The following TNFRSF21 variants were observed in gnomAD, a reference collection of about 807,000 sequenced individuals.
TNFRSF21 encodes the protein tumor necrosis factor receptor superfamily member 21.
In TNFRSF21, 19 loss-of-function variants were observed where a neutral mutation model predicts 45.6. The ratio of observed to expected loss-of-function variants is 0.42; its 90% CI spans 0.29 to 0.61. The LOEUF is 0.61. TNFRSF21 is among the 20% of genes least tolerant of loss of function. TNFRSF21 has a pLI of 0.23. For missense variants in TNFRSF21, 737 were observed against 851.5 expected, an observed-to-expected ratio of 0.87 and a Z score of 1.67; for synonymous variants, 314 against 335.5, an observed-to-expected ratio of 0.94 and a Z score of 0.70.
intron 4 of TNFRSF21, among the ~76,000 whole-genome samples, chr6:47,237,218 A>G (rs574274162): frequency 6.6e-6 from 1 of 152,310 alleles, no homozygotes; most frequent in South Asian, 2.1e-4. Context: ...AACTATAAGT[A>G]TCTCTCACTT....
At chr6:47,280,081 G>A (rs938577341) in intron 3 of TNFRSF21, among the ~76,000 whole-genome samples, 7 of 152,116 alleles carry the variant, frequency 4.6e-5, no homozygotes, top group African/African-American at 1.7e-4. Flanking sequence ...TAATAAAAGA[G>A]GTTTTTGTTC....
At chr6:47,283,744 G>A (rs1351709094) in intron 3 of TNFRSF21, among the ~76,000 whole-genome samples, 194 bp downstream of exon 3, 2 of 152,204 alleles carry the variant, frequency 1.3e-5, no homozygotes, top group Non-Finnish European at 2.9e-5. Flanking sequence ...AGGAGGAAGA[G>A]AGATTATTCT....
At chr6:47,306,925 A>G (rs1184909500) in intron 1 of TNFRSF21, among the ~76,000 whole-genome samples, 4 of 152,192 alleles carry the variant, frequency 2.6e-5, no homozygotes, top group Non-Finnish European at 5.9e-5. Context: ...ACGTGTACCC[A>G]GGCTCCAGTA....
At chr6:47,298,891 A>G (rs1762824470) in intron 1 of TNFRSF21, among the ~76,000 whole-genome samples, 1 of 152,230 alleles carries the variant, frequency 6.6e-6, no homozygotes, top group Non-Finnish European at 1.5e-5. Context: ...GCCCTGCAGG[A>G]CAGCTGCCAG....
intron 3 of TNFRSF21, among the ~76,000 whole-genome samples, chr6:47,265,859 G>T (rs1399981351): frequency 1.3e-5 from 2 of 152,144 alleles, no homozygotes; most frequent in Admixed American, 1.3e-4. Context: ...TTCATTTTAA[G>T]CAAAACCAAA....
intron 3 of TNFRSF21, among the ~76,000 whole-genome samples, chr6:47,271,248 T>C (rs1430649844): frequency 1.3e-5 from 2 of 152,194 alleles, no homozygotes; most frequent in East Asian, 3.9e-4. Flanking sequence ...GAAAAAGTGT[T>C]AAGGGGAGCC....
intron 3 of TNFRSF21, 38 bp from the exon 4 acceptor site, chr6:47,253,559 G>GC: frequency 6.3e-7 from 1 of 1,595,234 alleles, no homozygotes. Flanking sequence ...ATGAGGGCTT[G>GC]TAAGGGAAGC....
chr6:47,298,575 AATC>A (rs1161137397), intron 1 of TNFRSF21, among the ~76,000 whole-genome samples: 1 of 152,226 alleles, frequency 6.6e-6, no homozygotes, highest in African/African-American at 2.4e-5. Flanking sequence ...TCAAACAAAT[AATC>A]ATATTTTGTG....
At chr6:47,271,483 C>A (rs1762418225) in intron 3 of TNFRSF21, among the ~76,000 whole-genome samples, 1 of 152,126 alleles carries the variant, frequency 6.6e-6, no homozygotes, top group Non-Finnish European at 1.5e-5. Context: ...TTGTCACCAC[C>A]AGGCCTGCCT....
intron 1 of TNFRSF21, 99 bp downstream of exon 1, chr6:47,309,317 C>A (rs985119234): frequency 3.2e-5 from 45 of 1,425,100 alleles, no homozygotes; most frequent in Non-Finnish European, 4.0e-5. Context: ...CCGGGCCCCG[C>A]GCCTCCCTAA....
chr6:47,262,260 T>C (rs749168324), intron 3 of TNFRSF21, among the ~76,000 whole-genome samples: 3 of 152,226 alleles, frequency 2.0e-5, no homozygotes, highest in Non-Finnish European at 2.9e-5. Context: ...ATATCACTGA[T>C]ACTGTGAGGA....
Position 47,286,509 on chromosome 6 carries a change from G to A in TNFRSF21, c.183C>T (p.Thr61=), listed in dbSNP as rs762224972. 51 of 1,614,024 alleles carry A rather than the reference G, an allele frequency of 3.2e-5. No homozygotes were observed. The highest frequency in any genetic ancestry group is 2.8e-4 in the Admixed American group (17 of 60,006). Residue 61 remains threonine (T), a synonymous_variant, in exon 2 of 6, where the codon ACC becomes ACT. Transcript: ENST00000296861. ...IGTYRHVDRA[T]GQVLTCDKCP... ...ACTTGTCACAGGTTAGCACCTGGCC[G>A]GTGGCACGGTCAACATGGCGGTATG...
At chr6:47,295,163 C>A (rs1762775996) in intron 1 of TNFRSF21, among the ~76,000 whole-genome samples, 1 of 152,176 alleles carries the variant, frequency 6.6e-6, no homozygotes, top group African/African-American at 2.4e-5. Flanking sequence ...CCCTGGTGAG[C>A]CACACCACAC....
At chr6:47,289,748 C>T (rs1379202649) in intron 1 of TNFRSF21, among the ~76,000 whole-genome samples, 2 of 152,254 alleles carry the variant, frequency 1.3e-5, no homozygotes, top group South Asian at 2.1e-4. Flanking sequence ...AATCCCAGAA[C>T]TTTGGAAGGC....
chr6:47,283,925 A>G lies in TNFRSF21; in HGVS notation c.1243+13T>C. 1 of 1,606,816 alleles carries G rather than the reference A, an allele frequency of 6.2e-7. No individual in the cohort carries two copies. The highest frequency in any genetic ancestry group is 8.5e-7 in the Non-Finnish European group (1 of 1,176,638). On this transcript the variant is annotated intron_variant, in intron 3 of 5. Transcript: ENST00000296861. Reference sequence around the variant, plus strand: ...AGAGATCTGTGAGCAAGGAGAGAAGAGAGAAGGCTCACCATGGCCATTGCA... The same window carrying G: ...AGAGATCTGTGAGCAAGGAGAGAAGGGAGAAGGCTCACCATGGCCATTGCA...
intron 3 of TNFRSF21, among the ~76,000 whole-genome samples, chr6:47,254,956 C>T (rs1004149448): frequency 3.3e-5 from 5 of 152,244 alleles, no homozygotes; most frequent in East Asian, 1.9e-4. Flanking sequence ...GGTTATTGAA[C>T]CCAACTCACC....
Position 47,309,612 on chromosome 6 carries a change from G to A in TNFRSF21, c.-101C>T, listed in dbSNP as rs867113793. On this transcript the variant is annotated 5_prime_UTR_variant, in exon 1 of 6. Coordinates refer to ENST00000296861, the MANE Select transcript of TNFRSF21 (RefSeq NM_014452.5). ...CGCATCCACCGCCGCCTCCCGGGCCGGGAGCCCATCTACCTCCAACACCCC... is the reference window on the plus strand; with the variant it reads ...CGCATCCACCGCCGCCTCCCGGGCCAGGAGCCCATCTACCTCCAACACCCC... 2 of 1,363,428 alleles carry A rather than the reference G, an allele frequency of 1.5e-6. No individual in the cohort carries two copies. Among genetic ancestry groups the A allele is most frequent in the South Asian group, 1.7e-5 (1 of 57,504 alleles). The allele number at this position is 1,363,428 out of a possible 1,614,324, so 84.5% of individuals were successfully genotyped here.
At chr6:47,295,747 A>G (rs1033721541) in intron 1 of TNFRSF21, among the ~76,000 whole-genome samples, 1 of 152,170 alleles carries the variant, frequency 6.6e-6, no homozygotes, top group African/African-American at 2.4e-5. Context: ...AATCACAGAC[A>G]GAACTGTTCC....
chr6:47,308,638 A>G (rs761319224), intron 1 of TNFRSF21, among the ~76,000 whole-genome samples: 4 of 152,274 alleles, frequency 2.6e-5, no homozygotes, highest in Non-Finnish European at 5.9e-5. Context: ...GCCTAGCCAC[A>G]GGTAAACGAG....
Sources: allele counts gnomAD v4.1 joint callset (sites outside exome capture counted in the v4.1 genomes callset), GRCh38; gene constraint gnomAD v4.1.1; transcripts MANE v1.5; gene names NCBI Gene and HGNC (gene_info 2026-07-23, HGNC 2026-07-21).